IRAK4: variants seen among roughly 807,000 people sequenced by gnomAD.
The protein encoded by IRAK4 is interleukin-1 receptor-associated kinase 4.
Under a neutral mutation model 51.8 loss-of-function variants are expected in IRAK4, and 44 were observed. That is an observed-to-expected ratio of 0.85 (90% CI 0.67 to 1.09). The LOEUF is 1.09. Ranked by LOEUF, IRAK4 falls within the 50% of genes least tolerant of loss-of-function variation. The pLI is 0.00. For missense variants in IRAK4, 487 were observed against 538.0 expected, an observed-to-expected ratio of 0.91 and a Z score of 0.94; for synonymous variants, 149 against 174.1, an observed-to-expected ratio of 0.86 and a Z score of 1.13.
intron 8 of IRAK4, among the ~76,000 whole-genome samples, chr12:43,780,640 T>C (rs1941698349): frequency 6.6e-6 from 1 of 151,804 alleles, no homozygotes; most frequent in Non-Finnish European, 1.5e-5. Flanking sequence ...GGCGCGGTCT[T>C]GGCTCACTGC....
chr12:43,788,516 T>C lies in IRAK4; in HGVS notation c.*1801T>C, dbSNP rs2138102677. 1 of 150,478 alleles carries C rather than the reference T, an allele frequency of 6.6e-6. No homozygotes were observed. Among genetic ancestry groups the C allele is most frequent in the East Asian group, 2.0e-4 (1 of 5,086 alleles). 9.3% of individuals were successfully genotyped at this position (150,478 alleles called of 1,614,324 possible). A position where few individuals can be genotyped will look rare whatever the true frequency, so the allele number is the denominator to read the frequency against. On this transcript the variant is annotated 3_prime_UTR_variant, in exon 12 of 12. Transcript: ENST00000613694. ...CACCAGTGTGCCAGGATGTGGGACA[T>C]GGAATCAAGGAATATGTTAGGGCTT... is the stretch of plus-strand genomic sequence containing the variant.
At chr12:43,782,839 T>TA (rs1242169151) in intron 9 of IRAK4, among the ~76,000 whole-genome samples, 1 of 152,228 alleles carries the variant, frequency 6.6e-6, no homozygotes, top group Admixed American at 6.5e-5. Flanking sequence ...ACTTTTAAGA[T>TA]AGAGCAAGAG....
Position 43,772,177 on chromosome 12 carries a change from T to C in IRAK4, c.308-3T>C. On this transcript the variant is annotated splice_polypyrimidine_tract_variant and splice_region_variant and intron_variant, in intron 3 of 11. Coordinates refer to ENST00000613694, the MANE Select transcript of IRAK4 (RefSeq NM_016123.4). ...ACCACTTGTATCTTACTTCATTTGT[T>C]AGATGCTGTTCCCAAAACTGCTAAT... 1.2e-6 allele frequency: 2 copies of C among 1,611,288 alleles called. No individual in the cohort carries two copies. Among genetic ancestry groups the C allele is most frequent in the Non-Finnish European group, 1.7e-6 (2 of 1,178,288 alleles).
Position 43,760,130 on chromosome 12 carries a change from A to G in IRAK4, c.-10+1114A>G, listed in dbSNP as rs111538634. Among the ~76,000 whole-genome samples, 742 of 152,246 alleles carry G rather than the reference A, an allele frequency of 4.9e-3. 9 individuals are homozygous for G. The highest frequency in any genetic ancestry group is 0.017 in the African/African-American group (690 of 41,544). ...TCTACCTCTCCAAACTGAGCTTCTG[A>G]TATTCCAGGCCAAACTTGCTCCTTC... is the stretch of plus-strand genomic sequence containing the variant. On this transcript the variant is annotated intron_variant, in intron 1 of 11. Transcript: ENST00000613694.
At chr12:43,772,036 G>A (rs1392622417) in intron 3 of IRAK4, 144 bp from the exon 4 acceptor site, 1 of 662,716 alleles carries the variant, frequency 1.5e-6, no homozygotes, top group Admixed American at 2.4e-5. Context: ...ATTCTTACTA[G>A]GCAGCTTCTT....
At position 43,778,107 on chromosome 12, in the gene IRAK4, G is replaced by A. The variant is rs895558340; in HGVS notation, c.832-86G>A. 18 of 802,918 alleles carry A rather than the reference G, an allele frequency of 2.2e-5. No individual in the cohort carries two copies. In the African/African-American group the frequency reaches 2.8e-4, roughly 12 times the overall value. 49.7% of individuals were successfully genotyped at this position (802,918 alleles called of 1,614,324 possible). Reference sequence around the variant, plus strand: ...TGCTATAACATCATCTTCAGTTGTTGCCTAGAAAAATATTCTGTGTTATAT... The same window carrying A: ...TGCTATAACATCATCTTCAGTTGTTACCTAGAAAAATATTCTGTGTTATAT... On this transcript the variant is annotated intron_variant, in intron 7 of 11. Coordinates refer to ENST00000613694, the MANE Select transcript of IRAK4 (RefSeq NM_016123.4).
intron 1 of IRAK4, 168 bp downstream of exon 1, chr12:43,759,184 C>G (rs1939144054): frequency 6.6e-6 from 1 of 152,218 alleles, no homozygotes; most frequent in Admixed American, 6.5e-5. Flanking sequence ...AGAGCTTACT[C>G]CAGAAGAAAG....
rs747100232 is a variant in IRAK4, at chr12:43,768,165, A to G, written c.54A>G (p.Leu18=). 6.2e-7 allele frequency: 1 copy of G among 1,613,720 alleles called. No homozygotes were observed. The highest frequency in any genetic ancestry group is 8.5e-7 in the Non-Finnish European group (1 of 1,179,750). Residue 18 remains leucine (L), a synonymous_variant, in exon 2 of 12, where the codon CTA becomes CTG. Transcript: ENST00000613694. ...STYVRCLNVG[L]IRKLSDFIDP... ...ATGTGCGCTGCCTCAATGTTGGACT[A>G]ATTAGGAAGCTGTCAGATTTTATTG...
chr12:43,781,400 G>A (rs1941767917), intron 8 of IRAK4, among the ~76,000 whole-genome samples: 1 of 152,150 alleles, frequency 6.6e-6, no homozygotes, highest in South Asian at 2.1e-4. Flanking sequence ...GTTGCTCACA[G>A]GATAAAATGC....
At chr12:43,771,435 T>C in intron 3 of IRAK4, 70 bp downstream of exon 3, 1 of 1,492,210 alleles carries the variant, frequency 6.7e-7, no homozygotes, top group Non-Finnish European at 9.3e-7. Flanking sequence ...TAAATGTTTC[T>C]TCTTACTCTT....
intron 8 of IRAK4, 151 bp downstream of exon 8, chr12:43,778,453 A>G (rs188562980): frequency 3.5e-5 from 22 of 637,448 alleles, no homozygotes; most frequent in Non-Finnish European, 1.4e-5. Context: ...AAGGACATCT[A>G]TAATCTCCTT....
Position 43,772,994 on chromosome 12 carries a change from A to G in IRAK4, c.573A>G (p.Lys191=). Residue 191 remains lysine (K), a synonymous_variant, in exon 5 of 12, where the codon AAA becomes AAG. Coordinates refer to ENST00000613694, the MANE Select transcript of IRAK4 (RefSeq NM_016123.4). The stretch of plus-strand genomic sequence containing the variant: ...GACCCATTTCTGTTGGTGGTAATAA[A>G]ATGGGAGAGGGAGGATTTGGAGTTG... The part of the protein sequence containing the change: ...DERPISVGGN[K]MGEGGFGVVY... 1 of 1,612,860 alleles carries G rather than the reference A, an allele frequency of 6.2e-7. No individual in the cohort carries two copies.
At position 43,788,495 on chromosome 12, in the gene IRAK4, A is replaced by AG. The variant is rs2138102493; in HGVS notation, c.*1781dup. The AG allele has an allele frequency of 6.6e-6, 1 of 150,922 alleles. No individual in the cohort carries two copies. Among genetic ancestry groups the AG allele is most frequent in the East Asian group, 2.0e-4 (1 of 5,114 alleles). The allele number at this position is 150,922 out of a possible 1,614,324, so 9.3% of individuals were successfully genotyped here. A position where few individuals can be genotyped will look rare whatever the true frequency, so the allele number is the denominator to read the frequency against. On this transcript the variant is annotated 3_prime_UTR_variant, in exon 12 of 12. Transcript: ENST00000613694. ...GCCTCGAGGGCCCACCCCTTGCACC[A>AG]GTGTGCCAGGATGTGGGACATGGAA...
chr12:43,774,491 C>T (rs1282701280), intron 6 of IRAK4, among the ~76,000 whole-genome samples: 2 of 152,208 alleles, frequency 1.3e-5, no homozygotes, highest in Non-Finnish European at 2.9e-5. Flanking sequence ...TTGTGATCCA[C>T]CTGCCTCAGC....
chr12:43,762,722 C>T (rs1003025378), intron 1 of IRAK4, among the ~76,000 whole-genome samples: 5 of 152,082 alleles, frequency 3.3e-5, no homozygotes, highest in African/African-American at 1.2e-4. Context: ...AAAGAGATGA[C>T]AATCAGGGGA....
chr12:43,771,931 A>G (rs1241702186), intron 3 of IRAK4, among the ~76,000 whole-genome samples: 1 of 152,190 alleles, frequency 6.6e-6, no homozygotes, highest in Non-Finnish European at 1.5e-5. Context: ...ATATTCTTAA[A>G]CAGGTGCTTC....
chr12:43,774,462 T>G (rs1941087751), intron 6 of IRAK4, among the ~76,000 whole-genome samples: 1 of 152,130 alleles, frequency 6.6e-6, no homozygotes, highest in Admixed American at 6.5e-5. Context: ...TTAGCCAGGA[T>G]AGTCTCGATC....
chr12:43,785,060 A>G (rs536064573), intron 10 of IRAK4, among the ~76,000 whole-genome samples: 1 of 152,244 alleles, frequency 6.6e-6, no homozygotes, highest in African/African-American at 2.4e-5. Context: ...TCTGAAATCA[A>G]GGTATGGGCA....
chr12:43,788,037 A>G lies in IRAK4; in HGVS notation c.*1322A>G, dbSNP rs1261785225. Reference sequence around the variant, plus strand: ...GTGCCACTGCACTCCAGCCTGGGTGACAGAGTGAGACTCCATCATAAATAA... The same window carrying G: ...GTGCCACTGCACTCCAGCCTGGGTGGCAGAGTGAGACTCCATCATAAATAA... On this transcript the variant is annotated 3_prime_UTR_variant, in exon 12 of 12. Coordinates refer to ENST00000613694, the MANE Select transcript of IRAK4 (RefSeq NM_016123.4). 1 of 152,250 alleles carries G rather than the reference A, an allele frequency of 6.6e-6. No individual in the cohort carries two copies. Among genetic ancestry groups the G allele is most frequent in the Non-Finnish European group, 1.5e-5 (1 of 68,112 alleles). The allele number at this position is 152,250 out of a possible 1,614,324, so 9.4% of individuals were successfully genotyped here.
Sources: allele counts gnomAD v4.1 joint callset (sites outside exome capture counted in the v4.1 genomes callset), GRCh38; gene constraint gnomAD v4.1.1; transcripts MANE v1.5; gene names NCBI Gene and HGNC (gene_info 2026-07-23, HGNC 2026-07-21).